Variants in TMEM38A observed in about 807,000 individuals in gnomAD.
TMEM38A encodes the protein transmembrane protein 38A.
TMEM38A carries 17 observed loss-of-function variants against 28.6 expected under a neutral mutation model. That is an observed-to-expected ratio of 0.60 (90% CI 0.41 to 0.89). The LOEUF (loss-of-function observed/expected upper bound fraction) is 0.89, where lower values mean the gene tolerates loss of function less well. Ranked by LOEUF, TMEM38A falls within the 40% of genes least tolerant of loss-of-function variation. The pLI is 0.00. For missense variants in TMEM38A, 328 were observed against 393.1 expected (o/e 0.83, Z 1.40); for synonymous variants, 169 against 166.1 (o/e 1.02, Z -0.14).
chr19:16,679,289 G>GTGTGTGTGTGTGTT (rs1401078446), intron 1 of TMEM38A, among the ~76,000 whole-genome samples: 1 of 121,448 alleles, frequency 8.2e-6, no homozygotes, highest in African/African-American at 5.0e-5. Context: ...GTGTGTGTGT[G>GTGTGTGTGTGTGTT]TGTGTGTGTA....
At chr19:16,665,151 G>A (rs142539859) in intron 1 of TMEM38A, among the ~76,000 whole-genome samples, 12,464 of 151,984 alleles carry the variant, frequency 0.082, 767 homozygotes, top group African/African-American at 0.17. Flanking sequence ...AAAATTAGCC[G>A]GACGTGGTGG....
intron 1 of TMEM38A, among the ~76,000 whole-genome samples, chr19:16,669,757 TTC>T (rs1470502525): frequency 6.6e-6 from 1 of 152,026 alleles, no homozygotes; most frequent in South Asian, 2.1e-4. Context: ...TACCCCATGC[TTC>T]ATACACCTCT....
At chr19:16,663,689 C>T (rs1377343038) in intron 1 of TMEM38A, among the ~76,000 whole-genome samples, 8 of 151,322 alleles carry the variant, frequency 5.3e-5, no homozygotes, top group Non-Finnish European at 7.4e-5. Context: ...CCACCATGCC[C>T]GGCTAATTTT....
At chr19:16,683,197 C>T (rs1167954495) in intron 4 of TMEM38A, among the ~76,000 whole-genome samples, 1 of 152,100 alleles carries the variant, frequency 6.6e-6, no homozygotes, top group Non-Finnish European at 1.5e-5. Flanking sequence ...TGGTCTGGAA[C>T]TCCTGACCTC....
chr19:16,678,433 A>T (rs1334923708), intron 1 of TMEM38A, among the ~76,000 whole-genome samples: 1 of 151,230 alleles, frequency 6.6e-6, no homozygotes, highest in African/African-American at 2.4e-5. Context: ...GTCTCAAAAA[A>T]AAAAAAAAAA....
intron 1 of TMEM38A, among the ~76,000 whole-genome samples, chr19:16,677,051 G>A (rs898293438): frequency 6.9e-5 from 10 of 144,740 alleles, no homozygotes; most frequent in South Asian, 2.2e-4. Flanking sequence ...ATGAGCCACC[G>A]TGCCCAGCCC....
chr19:16,682,355 G>A (rs2122596207), intron 3 of TMEM38A, 66 bp from the exon 4 acceptor site: 5 of 1,330,374 alleles, frequency 3.8e-6, no homozygotes, highest in Non-Finnish European at 5.4e-6. Flanking sequence ...GCTTCCTTGG[G>A]AATTCAAACA....
At chr19:16,680,880 T>C in intron 3 of TMEM38A, 1 of 378,156 alleles carries the variant, frequency 2.6e-6, no homozygotes, top group South Asian at 2.9e-5. Flanking sequence ...GATCATTCTT[T>C]GTGGTGGGGG....
intron 3 of TMEM38A, 29 bp from the exon 4 acceptor site, chr19:16,682,392 G>C: frequency 6.2e-7 from 1 of 1,600,772 alleles, no homozygotes. Context: ...GGGGGTGGTG[G>C]GCTTGTTCAG....
At chr19:16,687,767 C>T (rs2086807669) in intron 5 of TMEM38A, among the ~76,000 whole-genome samples, 1 of 152,166 alleles carries the variant, frequency 6.6e-6, no homozygotes, top group South Asian at 2.1e-4. Context: ...AAGGCCTTAC[C>T]TCCTAATACC....
intron 5 of TMEM38A, 103 bp downstream of exon 5, chr19:16,686,508 G>A (rs2086802776): frequency 1.1e-6 from 1 of 908,722 alleles, no homozygotes; most frequent in African/African-American, 1.6e-5. Flanking sequence ...TTATGTGGCT[G>A]GGACAGGCAG....
intron 3 of TMEM38A, among the ~76,000 whole-genome samples, chr19:16,681,953 G>A (rs568379680): frequency 6.6e-6 from 1 of 152,128 alleles, no homozygotes; most frequent in Non-Finnish European, 1.5e-5. Context: ...ATCTCCATTT[G>A]AGTCTTCTTA....
At chr19:16,674,590 G>A (rs1041314037) in intron 1 of TMEM38A, among the ~76,000 whole-genome samples, 1 of 151,558 alleles carries the variant, frequency 6.6e-6, no homozygotes, top group African/African-American at 2.4e-5. Flanking sequence ...ACCTGAGGTC[G>A]GGAGTTTGAG....
At chr19:16,683,823 A>G (rs1389357610) in intron 4 of TMEM38A, among the ~76,000 whole-genome samples, 2 of 151,882 alleles carry the variant, frequency 1.3e-5, no homozygotes, top group African/African-American at 4.8e-5. Flanking sequence ...ATACAAAATT[A>G]GCTGGGTGTG....
chr19:16,668,362 C>G (rs1234192796), intron 1 of TMEM38A, among the ~76,000 whole-genome samples: 2 of 151,448 alleles, frequency 1.3e-5, no homozygotes, highest in African/African-American at 4.9e-5. Context: ...CTGGCCAACA[C>G]AGTGAAACCC....
At position 16,662,171 on chromosome 19, in the gene TMEM38A, T is replaced by TA. The variant is rs1232416320; in HGVS notation, c.124+832dup. ...TCTAGAACACCAGCAACTTACTAGATAATAGATTTTAGGCTTAGAAAAATA... is the reference window on the plus strand; with the variant it reads ...TCTAGAACACCAGCAACTTACTAGATAAATAGATTTTAGGCTTAGAAAAATA... On this transcript the variant is annotated intron_variant, in intron 1 of 5. Transcript: ENST00000187762. Among the ~76,000 whole-genome samples the TA allele has an allele frequency of 2.0e-5, 3 of 152,210 alleles. No individual in the cohort carries two copies. The East Asian group carries it at 5.8e-4, about 29-fold the overall frequency.
chr19:16,670,447 A>G (rs151108495), intron 1 of TMEM38A, among the ~76,000 whole-genome samples: 219 of 152,120 alleles, frequency 1.4e-3, no homozygotes, highest in Non-Finnish European at 2.5e-3. Context: ...GCCGAGGCAG[A>G]GCTGATTTTT....
intron 1 of TMEM38A, among the ~76,000 whole-genome samples, chr19:16,675,144 A>T (rs138945502): frequency 6.6e-6 from 1 of 152,262 alleles, no homozygotes; most frequent in Non-Finnish European, 1.5e-5. Context: ...TCAAGTTCTA[A>T]TGAGGGCCCT....
chr19:16,685,825 A>G (rs1034316277), intron 4 of TMEM38A, among the ~76,000 whole-genome samples: 1 of 152,214 alleles, frequency 6.6e-6, no homozygotes, highest in Non-Finnish European at 1.5e-5. Flanking sequence ...GGACCAGGTT[A>G]ACCCATCATG....
Sources: allele counts gnomAD v4.1 joint callset (sites outside exome capture counted in the v4.1 genomes callset), GRCh38; gene constraint gnomAD v4.1.1; transcripts MANE v1.5; gene names NCBI Gene and HGNC (gene_info 2026-07-23, HGNC 2026-07-21).